Variants in SPAST observed in about 807,000 individuals in gnomAD.
SPAST encodes the protein spastin.
A neutral mutation model predicts 76.6 loss-of-function variants in SPAST; 30 were observed. The observed-to-expected ratio is 0.39, with a 90% CI of 0.29 to 0.53. The LOEUF is 0.53. SPAST is among the 20% of genes least tolerant of loss of function. SPAST has a pLI of 0.68. For synonymous variants in SPAST, 305 were observed against 281.0 expected (o/e 1.09, Z -0.86); for missense variants, 717 against 770.5 (o/e 0.93, Z 0.82).
Position 32,063,701 on chromosome 2 carries a change from T to C in SPAST, c.-131T>C. ...GGGGCCGGCGGGCAGCGTGCGGCAG[T>C]GCGGAGCTCCTGAGACCGGCGGGCA... On this transcript the variant is annotated 5_prime_UTR_variant, in exon 1 of 17. Transcript: ENST00000315285. 1 of 1,256,476 alleles carries C rather than the reference T, an allele frequency of 8.0e-7. No individual in the cohort carries two copies. The highest frequency in any genetic ancestry group is 1.1e-6 in the Non-Finnish European group (1 of 921,470). The allele number at this position is 1,256,476 out of a possible 1,614,324, so 77.8% of individuals were successfully genotyped here.
Position 32,154,654 on chromosome 2 carries a change from C to G in SPAST, c.*158C>G. The G allele has an allele frequency of 1.4e-6, 1 of 738,916 alleles. No individual in the cohort carries two copies. The highest frequency in any genetic ancestry group is 1.7e-5 in the South Asian group (1 of 59,514). 45.8% of individuals were successfully genotyped at this position (738,916 alleles called of 1,614,324 possible). ...ACTTGAAGATGAACCAGAAAACAGACTTAAACAAAATATACAATGCAAATG... is the reference window on the plus strand; with the variant it reads ...ACTTGAAGATGAACCAGAAAACAGAGTTAAACAAAATATACAATGCAAATG... On this transcript the variant is annotated 3_prime_UTR_variant, in exon 17 of 17. Transcript: ENST00000315285.
intron 3 of SPAST, among the ~76,000 whole-genome samples, chr2:32,090,142 C>A (rs946871552): frequency 1.4e-4 from 22 of 152,168 alleles, no homozygotes; most frequent in Non-Finnish European, 3.1e-4. Flanking sequence ...TTATTTATAC[C>A]AAGGGCTAGC....
chr2:32,106,825 A>G (rs894561654), intron 4 of SPAST, among the ~76,000 whole-genome samples: 70 of 152,056 alleles, frequency 4.6e-4, no homozygotes, highest in African/African-American at 1.5e-3. Flanking sequence ...GTATCGATAT[A>G]AGTATTTTGC....
intron 1 of SPAST, among the ~76,000 whole-genome samples, chr2:32,078,722 A>T (rs2148700837): frequency 6.6e-6 from 1 of 152,350 alleles, no homozygotes; most frequent in East Asian, 1.9e-4. Flanking sequence ...AAGGGAAATG[A>T]TTACTAATAA....
At chr2:32,071,990 T>G (rs1265442821) in intron 1 of SPAST, among the ~76,000 whole-genome samples, 1 of 152,228 alleles carries the variant, frequency 6.6e-6, no homozygotes, top group African/African-American at 2.4e-5. Flanking sequence ...CAGGGCCATT[T>G]CAGAATATGT....
intron 3 of SPAST, among the ~76,000 whole-genome samples, chr2:32,095,851 G>A (rs1220820921): frequency 6.6e-6 from 1 of 152,184 alleles, no homozygotes; most frequent in Non-Finnish European, 1.5e-5. Context: ...GGTACAGGTT[G>A]AGACATGAAG....
chr2:32,077,126 G>A (rs528466453), intron 1 of SPAST, among the ~76,000 whole-genome samples: 5 of 152,148 alleles, frequency 3.3e-5, no homozygotes, highest in African/African-American at 1.2e-4. Flanking sequence ...CACACACCTT[G>A]GCCTCCCAAA....
intron 12 of SPAST, 78 bp downstream of exon 12, chr2:32,137,266 C>G (rs1183371194): frequency 4.4e-6 from 5 of 1,130,234 alleles, no homozygotes; most frequent in Non-Finnish European, 6.8e-6. Flanking sequence ...ATATTATTTC[C>G]TTACTCTCAG....
rs146541543 is a variant in SPAST, at chr2:32,065,411, C to T, written c.415+1165C>T. ...CTTTTTAAAAAAAATAGCAACCATCCCAGACCATGAAAAGTGTTATTTAAT... is the reference window on the plus strand; with the variant it reads ...CTTTTTAAAAAAAATAGCAACCATCTCAGACCATGAAAAGTGTTATTTAAT... On this transcript the variant is annotated intron_variant, in intron 1 of 16. Transcript: ENST00000315285. 1.8e-3 allele frequency among the ~76,000 whole-genome samples: 279 copies of T among 152,082 alleles called. 2 individuals carry two copies. The highest frequency in any genetic ancestry group is 6.5e-3 in the African/African-American group (270 of 41,480).
rs760953889 is a variant in SPAST, at chr2:32,143,292, A to G, written c.1537-44A>G. 15 of 1,150,360 alleles carry G rather than the reference A, an allele frequency of 1.3e-5. No individual in the cohort carries two copies. In the East Asian group the frequency reaches 3.6e-4, roughly 27 times the overall value. The allele number at this position is 1,150,360 out of a possible 1,614,324, so 71.3% of individuals were successfully genotyped here. On this transcript the variant is annotated intron_variant, in intron 13 of 16. Transcript: ENST00000315285. ...AATATAAAAAAAGAAAAGAATCATT[A>G]ATTCTGAAATTAGACTGAATGATCA...
chr2:32,141,883 G>C, intron 12 of SPAST, 21 bp from the exon 13 acceptor site: 4 of 1,592,738 alleles, frequency 2.5e-6, no homozygotes, highest in Non-Finnish European at 3.4e-6. Context: ...ATTTCTAAAA[G>C]TGCTGGATTT....
Position 32,101,328 on chromosome 2 carries a change from A to AT in SPAST, c.682+2444dup, listed in dbSNP as rs1678114350. Among the ~76,000 whole-genome samples, 5 of 151,946 alleles carry AT rather than the reference A, an allele frequency of 3.3e-5. No individual in the cohort carries two copies. In the South Asian group the frequency reaches 8.3e-4, roughly 25 times the overall value. On this transcript the variant is annotated intron_variant, in intron 4 of 16. Transcript: ENST00000315285. ...GGGTTGTTTGATTTTTTTCTTGTAA[A>AT]TTTTTTTAAGTTCTTTGTAGATTCT... is the stretch of plus-strand genomic sequence containing the variant.
In SPAST at chr2:32,128,396, TG is replaced by T. The variant is rs748596099; in HGVS notation, c.1174-11del. 1 of 1,589,352 alleles carries T rather than the reference TG, an allele frequency of 6.3e-7. No individual in the cohort carries two copies. The highest frequency in any genetic ancestry group is 8.6e-7 in the Non-Finnish European group (1 of 1,157,528). Reference sequence around the variant, plus strand: ...TGAACTAATTTAATATTTGCTCTTGTGATTTTTAAAGGCTAAAGCAGTAGCT... The same window carrying T: ...TGAACTAATTTAATATTTGCTCTTGTATTTTTAAAGGCTAAAGCAGTAGCT... On this transcript the variant is annotated splice_polypyrimidine_tract_variant and intron_variant, in intron 8 of 16. Transcript: ENST00000315285.
intron 15 of SPAST, among the ~76,000 whole-genome samples, chr2:32,146,211 G>C (rs887200748): frequency 1.3e-5 from 2 of 152,062 alleles, no homozygotes; most frequent in Admixed American, 1.3e-4. Context: ...AGAACGTTTT[G>C]GCTATTCTAA....
chr2:32,104,796 T>G (rs1465373412), intron 4 of SPAST, among the ~76,000 whole-genome samples: 2 of 152,228 alleles, frequency 1.3e-5, no homozygotes, highest in Non-Finnish European at 2.9e-5. Context: ...CTCTTCTGGT[T>G]TTTAGAGTTT....
intron 9 of SPAST, among the ~76,000 whole-genome samples, chr2:32,132,215 C>T (rs1336347401): frequency 6.6e-6 from 1 of 152,018 alleles, no homozygotes; most frequent in African/African-American, 2.4e-5. Context: ...CATGGCGAAA[C>T]CCTGTCTCTA....
At chr2:32,064,286 A>AT in intron 1 of SPAST, 40 bp downstream of exon 1, 1 of 707,836 alleles carries the variant, frequency 1.4e-6, no homozygotes, top group African/African-American at 1.8e-5. Context: ...GGCGCCGGGA[A>AT]GAAGGCGGTG....
chr2:32,110,130 T>C (rs534019394), intron 4 of SPAST, among the ~76,000 whole-genome samples: 2 of 148,666 alleles, frequency 1.3e-5, no homozygotes, highest in African/African-American at 4.9e-5. Flanking sequence ...TTTTTTGTTT[T>C]TTTTTGGAGA....
intron 9 of SPAST, among the ~76,000 whole-genome samples, chr2:32,130,824 T>G (rs1679348008): frequency 6.6e-6 from 1 of 152,098 alleles, no homozygotes; most frequent in Non-Finnish European, 1.5e-5. Context: ...TTTTACTGTC[T>G]ACAGTTTTGC....
Sources: allele counts gnomAD v4.1 joint callset (sites outside exome capture counted in the v4.1 genomes callset), GRCh38; gene constraint gnomAD v4.1.1; transcripts MANE v1.5; gene names NCBI Gene and HGNC (gene_info 2026-07-23, HGNC 2026-07-21).